NR3C2: variants seen among roughly 807,000 people sequenced by gnomAD.
The protein encoded by NR3C2 is mineralocorticoid receptor.
In NR3C2, 15 loss-of-function variants were observed where a neutral mutation model predicts 86.4. The observed-to-expected ratio is 0.17, with a 90% CI of 0.12 to 0.27. NR3C2 has a LOEUF of 0.27. NR3C2 is among the 10% of genes least tolerant of loss of function. The pLI is 1.00. For synonymous variants in NR3C2, 458 were observed against 450.5 expected, an observed-to-expected ratio of 1.02 and a Z score of -0.21; for missense variants, 960 against 1,195.6, an observed-to-expected ratio of 0.80 and a Z score of 2.91.
In NR3C2 at chr4:148,135,920, A is replaced by G. The variant is rs552254199; in HGVS notation, c.2511-15632T>C. On this transcript the variant is annotated intron_variant, in intron 6 of 8. Transcript: ENST00000358102. Reference sequence around the variant, plus strand: ...AAAATACAAAAAATTAGCCGGGCATAGTGGCGGGCGCCTGTAGTCCCAGCT... The same window carrying G: ...AAAATACAAAAAATTAGCCGGGCATGGTGGCGGGCGCCTGTAGTCCCAGCT... Among the ~76,000 whole-genome samples the G allele has an allele frequency of 5.9e-3, 774 of 131,784 alleles. 8 individuals carry two copies. Among genetic ancestry groups the G allele is most frequent in the Middle Eastern group, 0.03 (8 of 270 alleles). 86.5% of individuals were successfully genotyped at this position (131,784 alleles called of 152,430 possible).
intron 2 of NR3C2, among the ~76,000 whole-genome samples, chr4:148,375,988 T>C (rs971861831): frequency 3.3e-5 from 5 of 152,194 alleles, no homozygotes; most frequent in Admixed American, 2.0e-4. Context: ...AGTAGAATGC[T>C]ATTAACAAAT....
intron 4 of NR3C2, among the ~76,000 whole-genome samples, chr4:148,190,062 T>A (rs192831154): frequency 6.6e-6 from 1 of 152,206 alleles, no homozygotes; most frequent in Non-Finnish European, 1.5e-5. Flanking sequence ...ATCTTGGTTA[T>A]TGCTTTTCTT....
chr4:148,371,919 T>C (rs928118647), intron 2 of NR3C2, among the ~76,000 whole-genome samples: 2 of 152,204 alleles, frequency 1.3e-5, no homozygotes, highest in African/African-American at 2.4e-5. Context: ...TGACAACACT[T>C]ATTTCTATGC....
chr4:148,149,133 A>ATTCT (rs1257638763), intron 6 of NR3C2, among the ~76,000 whole-genome samples: 2 of 152,226 alleles, frequency 1.3e-5, no homozygotes, highest in South Asian at 4.1e-4. Context: ...GCTTTGCTCT[A>ATTCT]TTCTTTCTAG....
intron 2 of NR3C2, among the ~76,000 whole-genome samples, chr4:148,267,169 A>G (rs994212501): frequency 6.6e-6 from 1 of 152,220 alleles, no homozygotes; most frequent in Non-Finnish European, 1.5e-5. Flanking sequence ...ATTGTTGTAG[A>G]TTACACGACT....
rs34696054 is a variant in NR3C2 at position 148,289,273 on chromosome 4, C to CAA, written c.1758-29158_1758-29157dup. 7.6e-3 allele frequency among the ~76,000 whole-genome samples: 990 copies of CAA among 130,618 alleles called. 16 individuals are homozygous for CAA. Among genetic ancestry groups the CAA allele is most frequent in the East Asian group, 0.03 (132 of 4,474 alleles). The allele number at this position is 130,618 out of a possible 152,430, so 85.7% of individuals were successfully genotyped here. A position where few individuals can be genotyped will look rare whatever the true frequency, so the allele number is the denominator to read the frequency against. On this transcript the variant is annotated intron_variant, in intron 2 of 8. Coordinates refer to ENST00000358102, the MANE Select transcript of NR3C2 (RefSeq NM_000901.5). Reference sequence around the variant, plus strand: ...GAACTTTACTTTTAATATTTACAGCCAAAAAAAAAAAAAAAAACCATGATG... The same window carrying CAA: ...GAACTTTACTTTTAATATTTACAGCCAAAAAAAAAAAAAAAAAAACCATGATG...
At chr4:148,091,038 G>A (rs999689366) in intron 8 of NR3C2, among the ~76,000 whole-genome samples, 6 of 152,252 alleles carry the variant, frequency 3.9e-5, no homozygotes, top group Non-Finnish European at 8.8e-5. Context: ...AGCCTGTGTT[G>A]TTGGGGCGGC....
At chr4:148,259,873 A>T in intron 3 of NR3C2, 105 bp downstream of exon 3, 1 of 1,450,816 alleles carries the variant, frequency 6.9e-7, no homozygotes, top group South Asian at 1.2e-5. Context: ...AGATTAAATC[A>T]AAAATCTTTT....
intron 4 of NR3C2, among the ~76,000 whole-genome samples, chr4:148,166,553 G>T (rs1734887404): frequency 6.6e-6 from 1 of 152,092 alleles, no homozygotes; most frequent in Non-Finnish European, 1.5e-5. Context: ...TTAAAAGAAT[G>T]TGCTTCCCAT....
intron 2 of NR3C2, among the ~76,000 whole-genome samples, chr4:148,370,998 C>T (rs1746389297): frequency 6.6e-6 from 1 of 152,078 alleles, no homozygotes; most frequent in Non-Finnish European, 1.5e-5. Flanking sequence ...TCCCAAGTAG[C>T]TGGGACTACA....
At chr4:148,314,751 A>T (rs1743079324) in intron 2 of NR3C2, among the ~76,000 whole-genome samples, 2 of 152,196 alleles carry the variant, frequency 1.3e-5, no homozygotes, top group South Asian at 4.1e-4. Context: ...GAAAATTGAA[A>T]TTGAAAGACT....
At chr4:148,364,630 A>G (rs1746015683) in intron 2 of NR3C2, among the ~76,000 whole-genome samples, 1 of 152,214 alleles carries the variant, frequency 6.6e-6, no homozygotes, top group East Asian at 1.9e-4. Context: ...TGCATGCATA[A>G]TACTAAAATT....
intron 2 of NR3C2, among the ~76,000 whole-genome samples, chr4:148,335,229 C>T (rs1012187942): frequency 6.6e-6 from 1 of 152,160 alleles, no homozygotes; most frequent in African/African-American, 2.4e-5. Flanking sequence ...AATTCTTTCC[C>T]ATTATAGCTG....
At chr4:148,218,410 T>TAG (rs1313143161) in intron 3 of NR3C2, among the ~76,000 whole-genome samples, 6 of 152,214 alleles carry the variant, frequency 3.9e-5, no homozygotes, top group Admixed American at 6.5e-5. Flanking sequence ...CAAAAGGCTA[T>TAG]AGAACATAAA....
chr4:148,253,179 C>T (rs1739657329), intron 3 of NR3C2, among the ~76,000 whole-genome samples: 1 of 152,216 alleles, frequency 6.6e-6, no homozygotes, highest in South Asian at 2.1e-4. Context: ...ACCAACAACA[C>T]ATCAACCAGT....
At chr4:148,166,114 CA>C (rs201723998) in intron 4 of NR3C2, among the ~76,000 whole-genome samples, 3 of 151,922 alleles carry the variant, frequency 2.0e-5, no homozygotes, top group African/African-American at 7.3e-5. Flanking sequence ...GCATGTACTT[CA>C]AAAAAAAGTT....
At chr4:148,309,801 GTAGTACGTAAACTTAAAT>G (rs993082565) in intron 2 of NR3C2, among the ~76,000 whole-genome samples, 215 of 152,310 alleles carry the variant, frequency 1.4e-3, no homozygotes, top group African/African-American at 4.8e-3. Flanking sequence ...AAGTAGCCAT[GTAGTACGTAAACTTAAAT>G]TATTTGACTC....
intron 6 of NR3C2, 85 bp from the exon 7 acceptor site, chr4:148,120,373 A>G: frequency 6.5e-7 from 1 of 1,538,816 alleles, no homozygotes; most frequent in Non-Finnish European, 9.0e-7. Context: ...TTAATAAGAG[A>G]TCTGAGTCAG....
intron 2 of NR3C2, among the ~76,000 whole-genome samples, chr4:148,339,819 A>T (rs1744666491): frequency 6.6e-6 from 1 of 152,192 alleles, no homozygotes; most frequent in Non-Finnish European, 1.5e-5. Flanking sequence ...AGATCAAAAC[A>T]TTGTTAGAAC....
Sources: allele counts gnomAD v4.1 joint callset (sites outside exome capture counted in the v4.1 genomes callset), GRCh38; gene constraint gnomAD v4.1.1; transcripts MANE v1.5; gene names NCBI Gene and HGNC (gene_info 2026-07-23, HGNC 2026-07-21).